GRID2: variants seen among roughly 807,000 people sequenced by gnomAD.
The protein encoded by GRID2 is glutamate receptor ionotropic, delta-2.
In GRID2, 33 loss-of-function variants were observed where a neutral mutation model predicts 114.8. That is an observed-to-expected ratio of 0.29 (90% confidence interval 0.22 to 0.38). GRID2 has a LOEUF of 0.38. GRID2 is among the 10% of genes least tolerant of loss of function. The pLI, the probability that GRID2 is intolerant of heterozygous loss-of-function variation, is 1.00. For missense variants in GRID2, 1,184 were observed against 1,257.7 expected (o/e 0.94, Z 0.89); for synonymous variants, 505 against 449.9 (o/e 1.12, Z -1.55).
At chr4:92,418,508 A>G (rs1560617878) in intron 1 of GRID2, among the ~76,000 whole-genome samples, 1 of 152,060 alleles carries the variant, frequency 6.6e-6, no homozygotes, top group African/African-American at 2.4e-5. Flanking sequence ...GCTAATGGTG[A>G]TAGAAGTAGA....
chr4:92,663,934 T>C (rs2149270998), intron 2 of GRID2, among the ~76,000 whole-genome samples: 1 of 151,352 alleles, frequency 6.6e-6, no homozygotes, highest in African/African-American at 2.4e-5. Flanking sequence ...TCACTTAATG[T>C]CATCAAGATT....
At chr4:93,235,966 C>A (rs888482558) in intron 7 of GRID2, among the ~76,000 whole-genome samples, 2 of 151,906 alleles carry the variant, frequency 1.3e-5, no homozygotes, top group African/African-American at 4.8e-5. Context: ...TATATGATAT[C>A]TTTTTCGTAT....
chr4:93,577,484 AAG>A (rs2149588648), intron 13 of GRID2, among the ~76,000 whole-genome samples: 1 of 152,366 alleles, frequency 6.6e-6, no homozygotes, highest in South Asian at 2.1e-4. Context: ...GATATGAAGA[AAG>A]AGTATTGAAA....
chr4:92,525,836 C>A (rs150703530), intron 1 of GRID2, among the ~76,000 whole-genome samples: 3 of 152,014 alleles, frequency 2.0e-5, no homozygotes, highest in Non-Finnish European at 2.9e-5. Context: ...GGGAGAGTAG[C>A]ATTTGGAGCC....
intron 9 of GRID2, among the ~76,000 whole-genome samples, chr4:93,403,723 A>G (rs150660740): frequency 6.6e-6 from 1 of 152,270 alleles, no homozygotes; most frequent in Non-Finnish European, 1.5e-5. Flanking sequence ...ATGACAGATA[A>G]TAACAAATGT....
chr4:92,305,621 T>A (rs6855766), intron 1 of GRID2, among the ~76,000 whole-genome samples: 36,272 of 151,900 alleles, frequency 0.24, 5,444 homozygotes, highest in East Asian at 0.59. Flanking sequence ...TGAGAAGGAC[T>A]GCCGAGCGGG....
chr4:92,606,479 A>AG (rs1729458981), intron 2 of GRID2, among the ~76,000 whole-genome samples: 1 of 151,996 alleles, frequency 6.6e-6, no homozygotes, highest in Non-Finnish European at 1.5e-5. Context: ...AGAAGAAAGA[A>AG]GGTAAGGCAT....
chr4:92,524,014 G>A (rs1239923474), intron 1 of GRID2, among the ~76,000 whole-genome samples: 1 of 152,084 alleles, frequency 6.6e-6, no homozygotes, highest in Non-Finnish European at 1.5e-5. Context: ...TTACTTTACT[G>A]TTAACAGCAT....
At chr4:93,197,620 T>C (rs879395814) in intron 4 of GRID2, among the ~76,000 whole-genome samples, 1 of 152,166 alleles carries the variant, frequency 6.6e-6, no homozygotes, top group African/African-American at 2.4e-5. Flanking sequence ...AGTATTACAG[T>C]AACTTGAGTG....
At chr4:92,582,957 AG>A (rs1375660096) in intron 1 of GRID2, among the ~76,000 whole-genome samples, 2 of 152,014 alleles carry the variant, frequency 1.3e-5, no homozygotes, top group Non-Finnish European at 2.9e-5. Context: ...ATTACACTCT[AG>A]CCTGGGTGAC....
intron 2 of GRID2, among the ~76,000 whole-genome samples, chr4:92,962,958 T>C (rs1477169361): frequency 6.6e-6 from 1 of 151,976 alleles, no homozygotes; most frequent in Non-Finnish European, 1.5e-5. Flanking sequence ...AATACTGCAA[T>C]AAAGCAAGCC....
chr4:92,430,589 T>G (rs1732392615), intron 1 of GRID2, among the ~76,000 whole-genome samples: 1 of 152,170 alleles, frequency 6.6e-6, no homozygotes, highest in South Asian at 2.1e-4. Context: ...TTAGCTATCC[T>G]GTGTCTTGTG....
At chr4:92,861,225 A>G (rs1367389715) in intron 2 of GRID2, among the ~76,000 whole-genome samples, 1 of 152,096 alleles carries the variant, frequency 6.6e-6, no homozygotes, top group East Asian at 1.9e-4. Context: ...ATCAGCTCAC[A>G]GTTCTGTGGG....
chr4:93,289,494 A>T (rs767228643), intron 8 of GRID2, among the ~76,000 whole-genome samples: 1 of 152,110 alleles, frequency 6.6e-6, no homozygotes, highest in African/African-American at 2.4e-5. Flanking sequence ...TTCCCATTGT[A>T]TAATAGTTAA....
chr4:92,667,356 G>T (rs906467320), intron 2 of GRID2, among the ~76,000 whole-genome samples: 1 of 151,670 alleles, frequency 6.6e-6, no homozygotes, highest in African/African-American at 2.4e-5. Flanking sequence ...GGTAAAAGTA[G>T]AAGTGGGTCA....
chr4:92,949,531 T>C (rs994345100), intron 2 of GRID2, among the ~76,000 whole-genome samples: 44 of 151,780 alleles, frequency 2.9e-4, no homozygotes, highest in African/African-American at 1.0e-3. Context: ...AGAATTGACA[T>C]AGTTCAGAAA....
intron 10 of GRID2, among the ~76,000 whole-genome samples, chr4:93,448,645 T>C (rs1722321294): frequency 6.6e-6 from 1 of 151,884 alleles, no homozygotes; most frequent in African/African-American, 2.4e-5. Context: ...GCTTTTCACC[T>C]GAAATTAAGA....
intron 2 of GRID2, among the ~76,000 whole-genome samples, chr4:93,065,587 A>G (rs988596591): frequency 6.6e-6 from 1 of 151,898 alleles, no homozygotes; most frequent in African/African-American, 2.4e-5. Context: ...AAGAGATGTG[A>G]GATAGGAACA....
At chr4:92,666,236 T>C (rs1028307861) in intron 2 of GRID2, among the ~76,000 whole-genome samples, 3 of 151,626 alleles carry the variant, frequency 2.0e-5, no homozygotes, top group Non-Finnish European at 3.0e-5. Flanking sequence ...TATACTTCCC[T>C]GTTCCAGACC....
Sources: gnomAD v4.1 joint callset for allele counts (sites outside exome capture counted in the v4.1 genomes callset) on GRCh38, gnomAD v4.1.1 for gene constraint, MANE v1.5 for transcripts, NCBI Gene and HGNC (gene_info 2026-07-23, HGNC 2026-07-21) for gene names.